LPIN1: variants seen among roughly 807,000 people sequenced by gnomAD.
LPIN1 encodes the protein phosphatidate phosphatase LPIN1.
LPIN1 carries 71 observed loss-of-function variants against 107.5 expected under a neutral mutation model. That is an observed-to-expected ratio of 0.66 (90% CI 0.55 to 0.80). The LOEUF (loss-of-function observed/expected upper bound fraction) is 0.80. Among genes scored for constraint, LPIN1 ranks in the 30% least tolerant of loss-of-function variants. The probability of loss-of-function intolerance (pLI) is 0.00; values close to 1 mark genes in which losing one functional copy is unlikely to be tolerated. For synonymous variants in LPIN1, 445 were observed against 452.6 expected, an observed-to-expected ratio of 0.98 and a Z score of 0.21; for missense variants, 1,043 against 1,160.6, an observed-to-expected ratio of 0.90 and a Z score of 1.47.
intron 9 of LPIN1, chr2:11,784,450 C>T (rs777115406): frequency 1.5e-5 from 17 of 1,097,818 alleles, no homozygotes; most frequent in Non-Finnish European, 1.7e-5. Flanking sequence ...GGCTGCCCTC[C>T]CTGCAAAGCC....
chr2:11,761,506 G>A (rs1327854399), intron 1 of LPIN1, among the ~76,000 whole-genome samples: 1 of 152,178 alleles, frequency 6.6e-6, no homozygotes, highest in Non-Finnish European at 1.5e-5. Context: ...TCGGTTGAGA[G>A]AGGAGGTGTA....
intron 1 of LPIN1, among the ~76,000 whole-genome samples, chr2:11,683,650 G>A (rs1661845505): frequency 6.6e-6 from 1 of 152,218 alleles, no homozygotes; most frequent in Non-Finnish European, 1.5e-5. Flanking sequence ...ATGCAGAGGA[G>A]AGAAGATGGG....
At chr2:11,722,366 T>C (rs1664208085), upstream of LPIN1, 1 of 152,298 alleles carries the variant, frequency 6.6e-6, no homozygotes, top group East Asian at 1.9e-4. Context: ...TTTTGCAGAT[T>C]AAGCAGCTTC....
At chr2:11,817,550 A>G (rs1680776409) in intron 18 of LPIN1, 2 of 152,180 alleles carry the variant, frequency 1.3e-5, no homozygotes, top group East Asian at 1.9e-4. Context: ...CTAAGAATGG[A>G]TTTATTTAGG....
chr2:11,725,891 A>C (rs977489906), intron 1 of LPIN1, among the ~76,000 whole-genome samples: 5 of 152,210 alleles, frequency 3.3e-5, no homozygotes, highest in African/African-American at 1.2e-4. Flanking sequence ...TCCTAAATCC[A>C]AGAAGGACAT....
intron 1 of LPIN1, among the ~76,000 whole-genome samples, chr2:11,753,011 C>G (rs1314202898): frequency 6.6e-6 from 1 of 152,118 alleles, no homozygotes; most frequent in Admixed American, 6.5e-5. Context: ...AAATTGCGGT[C>G]GTGAATGCTT....
At chr2:11,807,416 G>A (rs764330205) in intron 17 of LPIN1, among the ~76,000 whole-genome samples, 4 of 152,158 alleles carry the variant, frequency 2.6e-5, no homozygotes, top group Non-Finnish European at 5.9e-5. Context: ...TCATGGGTCA[G>A]GATGTTGAGT....
chr2:11,764,879 A>G (rs931349916), intron 1 of LPIN1, among the ~76,000 whole-genome samples: 3 of 152,222 alleles, frequency 2.0e-5, no homozygotes, highest in African/African-American at 4.8e-5. Context: ...CCTAAGGACA[A>G]TATAAAAAAG....
chr2:11,799,049 G>A (rs1006848015), intron 14 of LPIN1, among the ~76,000 whole-genome samples: 41 of 152,336 alleles, frequency 2.7e-4, no homozygotes, highest in African/African-American at 9.4e-4. Flanking sequence ...CATTGTAAGG[G>A]GTGGGGTGGG....
At position 11,825,786 on chromosome 2, in the gene LPIN1, A is replaced by G. The variant is rs2148747268; in HGVS notation, c.*995A>G. 6.6e-6 allele frequency: 1 copy of G among 152,290 alleles called. No individual in the cohort carries two copies. Among genetic ancestry groups the G allele is most frequent in the East Asian group, 1.9e-4 (1 of 5,190 alleles). The allele number at this position is 152,290 out of a possible 1,614,324, so 9.4% of individuals were successfully genotyped here. A position where few individuals can be genotyped will look rare whatever the true frequency, so the allele number is the denominator to read the frequency against. ...GAAGTTCAACTATATTCTTTTAGAT[A>G]TTATGTATTGTTTTACTCTGATTAG... On this transcript the variant is annotated 3_prime_UTR_variant, in exon 21 of 21. Transcript: ENST00000674199. The surrounding 1 kb of genome is among the most constrained non-coding windows in gnomAD (Gnocchi z 4.1).
At chr2:11,761,981 G>A (rs1669908482) in intron 1 of LPIN1, among the ~76,000 whole-genome samples, 1 of 152,022 alleles carries the variant, frequency 6.6e-6, no homozygotes, top group Admixed American at 6.5e-5. Flanking sequence ...CCTGGAGTTA[G>A]TATCAGATTC....
intron 11 of LPIN1, among the ~76,000 whole-genome samples, chr2:11,787,759 G>A (rs1674898441): frequency 6.6e-6 from 1 of 151,856 alleles, no homozygotes; most frequent in South Asian, 2.1e-4. Context: ...GGCTAACACG[G>A]TGAAACCCCG....
chr2:11,759,123 GCTTTCTTTCTTTTCTTTCTTT>G lies in LPIN1; in HGVS notation c.-9-6397_-9-6377del, dbSNP rs1486244727. 8.9e-3 allele frequency among the ~76,000 whole-genome samples: 1,310 copies of G among 146,868 alleles called. 7 individuals carry two copies. Among genetic ancestry groups the G allele is most frequent in the African/African-American group, 0.012 (472 of 38,778 alleles). Reference sequence around the variant, plus strand: ...TATCCAGTTATGAGCTAGCTAGCTTGCTTTCTTTCTTTTCTTTCTTTCTTTCTTTCTTTCTTTCTTTCTTTC... The same window carrying G: ...TATCCAGTTATGAGCTAGCTAGCTTGCTTTCTTTCTTTCTTTCTTTCTTTC... On this transcript the variant is annotated intron_variant, in intron 1 of 20. Coordinates refer to ENST00000674199, the MANE Select transcript of LPIN1 (RefSeq NM_001349206.2).
chr2:11,698,115 AC>A (rs1662680507), intron 1 of LPIN1, among the ~76,000 whole-genome samples: 1 of 152,012 alleles, frequency 6.6e-6, no homozygotes, highest in Non-Finnish European at 1.5e-5. Context: ...GGTGTCTGTG[AC>A]CCAGAATAGC....
intron 1 of LPIN1, among the ~76,000 whole-genome samples, chr2:11,688,505 C>G (rs538438181): frequency 6.6e-6 from 1 of 152,272 alleles, no homozygotes; most frequent in East Asian, 1.9e-4. Context: ...TCAGGCCCCG[C>G]CTGTTCCTCA....
At chr2:11,780,478 C>T (rs2148653387) in intron 7 of LPIN1, among the ~76,000 whole-genome samples, 1 of 152,210 alleles carries the variant, frequency 6.6e-6, no homozygotes, top group South Asian at 2.1e-4. Flanking sequence ...AGATTTCAGC[C>T]TAATAGATAA....
At chr2:11,806,743 A>G (rs1678756672) in intron 17 of LPIN1, among the ~76,000 whole-genome samples, 1 of 152,184 alleles carries the variant, frequency 6.6e-6, no homozygotes, top group Non-Finnish European at 1.5e-5. Context: ...GATTATGGAA[A>G]CAGTAAAGCG....
intron 17 of LPIN1, among the ~76,000 whole-genome samples, chr2:11,806,313 G>A (rs1678673427): frequency 6.6e-6 from 1 of 152,204 alleles, no homozygotes; most frequent in African/African-American, 2.4e-5. Flanking sequence ...TTCCTTGAGT[G>A]CCTGTTAGTG....
Position 11,803,641 on chromosome 2 carries a change from G to A in LPIN1, c.2013+608G>A, listed in dbSNP as rs1043812223. On this transcript the variant is annotated intron_variant, in intron 15 of 20. Transcript: ENST00000674199. This position sits in a 1 kb window ranked among gnomAD's most constrained non-coding sequence, Gnocchi z 4.2. ...GTGGGGAGCCTGGCTCAAGTGTGAG[G>A]GTGTTTACTAGGAAAAGATAAGGAA... Among the ~76,000 whole-genome samples the A allele has an allele frequency of 2.6e-5, 4 of 152,150 alleles. No homozygotes were observed. Among genetic ancestry groups the A allele is most frequent in the Non-Finnish European group, 5.9e-5 (4 of 68,036 alleles).
Sources: gnomAD v4.1 joint callset for allele counts (sites outside exome capture counted in the v4.1 genomes callset) on GRCh38, gnomAD v4.1.1 for gene constraint, Gnocchi (gnomAD v3.1) non-coding constraint, MANE v1.5 for transcripts, NCBI Gene and HGNC (gene_info 2026-07-23, HGNC 2026-07-21) for gene names.